Variants in DLG2 observed in about 807,000 individuals in gnomAD.
DLG2 encodes the protein disks large homolog 2.
In DLG2, 45 loss-of-function variants were observed where a neutral mutation model predicts 132.5. The observed-to-expected ratio is 0.34, with a 90% confidence interval of 0.27 to 0.44. The LOEUF is 0.44. Among genes scored for constraint, DLG2 ranks in the 20% least tolerant of loss-of-function variants. DLG2 has a pLI of 1.00. For synonymous variants in DLG2, 424 were observed against 419.6 expected (o/e 1.01, Z -0.13); for missense variants, 1,045 against 1,196.9 (o/e 0.87, Z 1.87).
intron 7 of DLG2, among the ~76,000 whole-genome samples, chr11:84,510,063 T>C (rs1463360122): frequency 6.6e-6 from 1 of 150,586 alleles, no homozygotes; most frequent in Non-Finnish European, 1.5e-5. Flanking sequence ...AAATGAAATC[T>C]TAAAAACAAT....
intron 19 of DLG2, among the ~76,000 whole-genome samples, chr11:83,616,044 TTAATA>T (rs2060756303): frequency 1.3e-5 from 2 of 152,200 alleles, no homozygotes; most frequent in Admixed American, 1.3e-4. Flanking sequence ...CTTATTGTAC[TTAATA>T]TAATATTTGC....
intron 8 of DLG2, among the ~76,000 whole-genome samples, chr11:84,215,061 A>C (rs2096818221): frequency 6.6e-6 from 1 of 152,200 alleles, no homozygotes; most frequent in Non-Finnish European, 1.5e-5. Context: ...GAACTTCAAA[A>C]GAATAAAGTA....
intron 6 of DLG2, among the ~76,000 whole-genome samples, chr11:84,999,392 T>C (rs551724905): frequency 7.9e-5 from 12 of 152,302 alleles, no homozygotes; most frequent in Non-Finnish European, 1.3e-4. Context: ...TTTAAAACCA[T>C]CATGTTCAAA....
intron 3 of DLG2, among the ~76,000 whole-genome samples, chr11:85,570,840 T>G (rs1404071207): frequency 6.6e-6 from 1 of 152,164 alleles, no homozygotes; most frequent in African/African-American, 2.4e-5. Context: ...CTCAACTGAT[T>G]TATCTTCCAG....
At chr11:83,820,230 G>A (rs887125010) in intron 17 of DLG2, among the ~76,000 whole-genome samples, 1 of 151,978 alleles carries the variant, frequency 6.6e-6, no homozygotes, top group Non-Finnish European at 1.5e-5. Context: ...GCCAGTTTAT[G>A]AAAATAACTG....
rs141390699 is a variant in DLG2, at chr11:84,035,870, T to C, written c.919+23445A>G. Among the ~76,000 whole-genome samples, 47 of 152,256 alleles carry C rather than the reference T, an allele frequency of 3.1e-4. No individual in the cohort carries two copies. The East Asian group carries it at 8.3e-3, about 27-fold the overall frequency. On this transcript the variant is annotated intron_variant, in intron 11 of 27. Coordinates refer to ENST00000376104, the MANE Select transcript of DLG2 (RefSeq NM_001142699.3). The stretch of plus-strand genomic sequence containing the variant: ...AGACTAACAGGATTTGCAAATGAAC[T>C]GGATGTGAGTGTGAGTCAGAAAGAG...
intron 6 of DLG2, among the ~76,000 whole-genome samples, chr11:85,054,209 G>C (rs934770592): frequency 6.6e-6 from 1 of 151,148 alleles, no homozygotes; most frequent in Non-Finnish European, 1.5e-5. Context: ...AGATTGCAGT[G>C]AGCCGAGATC....
intron 6 of DLG2, among the ~76,000 whole-genome samples, chr11:85,017,389 A>T (rs2059664312): frequency 6.7e-6 from 1 of 148,164 alleles, no homozygotes. Context: ...CTGTAACCTG[A>T]TTTTTGCCCC....
chr11:84,965,247 A>C (rs1393375211), intron 6 of DLG2, among the ~76,000 whole-genome samples: 1 of 152,078 alleles, frequency 6.6e-6, no homozygotes, highest in Non-Finnish European at 1.5e-5. Context: ...ACCTAAGGTC[A>C]GACTTCTTGA....
chr11:84,984,759 C>T (rs1273585095), intron 6 of DLG2, among the ~76,000 whole-genome samples: 2 of 152,094 alleles, frequency 1.3e-5, no homozygotes, highest in East Asian at 1.9e-4. Context: ...AACATAAGGA[C>T]TCACATAAAC....
intron 6 of DLG2, among the ~76,000 whole-genome samples, chr11:84,579,743 A>C (rs1027805407): frequency 6.6e-6 from 1 of 152,232 alleles, no homozygotes; most frequent in African/African-American, 2.4e-5. Flanking sequence ...GGAAGTATGC[A>C]GGAAGTAGGT....
In DLG2 at chr11:84,251,231, T is replaced by C. The variant is rs752974965; in HGVS notation, c.573+7A>G. ...TAAAAGAAGGTAGTAATGAAAAAGT[T>C]ACTTACATAAGGAATTGTGTCCAAA... is the stretch of plus-strand genomic sequence containing the variant. On this transcript the variant is annotated splice_region_variant and intron_variant, in intron 8 of 27. Coordinates refer to ENST00000376104, the MANE Select transcript of DLG2 (RefSeq NM_001142699.3). 7.0e-6 allele frequency: 11 copies of C among 1,566,284 alleles called. No homozygotes were observed. Among genetic ancestry groups the C allele is most frequent in the Non-Finnish European group, 9.5e-6 (11 of 1,156,388 alleles).
chr11:83,751,986 T>C lies in DLG2; in HGVS notation c.1825+34704A>G, dbSNP rs571613148. Among the ~76,000 whole-genome samples the C allele has an allele frequency of 1.1e-4, 17 of 152,242 alleles. No individual in the cohort carries two copies. In the East Asian group the frequency reaches 3.3e-3, roughly 30 times the overall value. The stretch of plus-strand genomic sequence containing the variant: ...AGGTAGAGATAAAAAAGAGAGGACT[T>C]GCCTGGCTGCGGTGGCTCACGCCTG... On this transcript the variant is annotated intron_variant, in intron 18 of 27. Coordinates refer to ENST00000376104, the MANE Select transcript of DLG2 (RefSeq NM_001142699.3).
intron 6 of DLG2, among the ~76,000 whole-genome samples, chr11:84,983,532 A>G (rs532812715): frequency 2.0e-5 from 3 of 152,136 alleles, no homozygotes; most frequent in African/African-American, 7.2e-5. Context: ...GACAGAGCCT[A>G]CCTAAATTGA....
At chr11:84,649,730 G>A (rs1170087565) in intron 6 of DLG2, among the ~76,000 whole-genome samples, 1 of 152,128 alleles carries the variant, frequency 6.6e-6, no homozygotes, top group Non-Finnish European at 1.5e-5. Context: ...CTTGTCTTTG[G>A]CCCATTTTGT....
At chr11:84,936,444 A>C (rs1288761507) in intron 6 of DLG2, among the ~76,000 whole-genome samples, 1 of 152,166 alleles carries the variant, frequency 6.6e-6, no homozygotes, top group Non-Finnish European at 1.5e-5. Context: ...AAAAATTACT[A>C]AGCAAAAATA....
intron 7 of DLG2, among the ~76,000 whole-genome samples, chr11:84,336,157 G>A (rs1367897544): frequency 2.0e-5 from 3 of 152,096 alleles, no homozygotes; most frequent in East Asian, 1.9e-4. Context: ...CTGAGTGCAC[G>A]CTTAGTTTGC....
intron 14 of DLG2, among the ~76,000 whole-genome samples, chr11:83,939,225 T>C (rs1325627084): frequency 6.6e-6 from 1 of 152,194 alleles, no homozygotes; most frequent in Non-Finnish European, 1.5e-5. Flanking sequence ...TTGGGCCAAG[T>C]ACACTCCCTG....
chr11:85,615,414 G>A, intron 2 of DLG2, among the ~76,000 whole-genome samples: 1 of 152,066 alleles, frequency 6.6e-6, no homozygotes, highest in Non-Finnish European at 1.5e-5. Context: ...CTACTCAGGA[G>A]GCTGAGGCAG....
Sources: gnomAD v4.1 joint callset for allele counts (sites outside exome capture counted in the v4.1 genomes callset) on GRCh38, gnomAD v4.1.1 for gene constraint, MANE v1.5 for transcripts, NCBI Gene and HGNC (gene_info 2026-07-23, HGNC 2026-07-21) for gene names.